TEX35: variants seen among roughly 807,000 people sequenced by gnomAD.
The protein encoded by TEX35 is testis expressed 35.
In TEX35, 26 loss-of-function variants were observed where a neutral mutation model predicts 31.9. That is an observed-to-expected ratio of 0.81 (90% CI 0.60 to 1.13). The LOEUF (loss-of-function observed/expected upper bound fraction) is 1.13. Among genes scored for constraint, TEX35 ranks in the 50% most tolerant of loss-of-function variants. The probability of loss-of-function intolerance (pLI) is 0.00; values close to 1 mark genes in which losing one functional copy is unlikely to be tolerated. For synonymous variants in TEX35, 87 were observed against 90.7 expected, an observed-to-expected ratio of 0.96 and a Z score of 0.23; for missense variants, 278 against 273.5, an observed-to-expected ratio of 1.02 and a Z score of -0.12.
rs74129234 is a variant in TEX35, at chr1:178,522,278, C to T, written c.587-47C>T. 2,050 of 1,530,164 alleles carry T rather than the reference C, an allele frequency of 1.3e-3. 24 individuals are homozygous for T. The African/African-American group carries it at 0.025, about 19-fold the overall frequency. 94.8% of individuals were successfully genotyped at this position (1,530,164 alleles called of 1,614,324 possible). On this transcript the variant is annotated intron_variant, in intron 8 of 8. Transcript: ENST00000319416. ...CTTTCTTGGGTTCTGGGGATCCACCCTTCTCACCCCCTTGAAGGTTTCCTC... is the reference window on the plus strand; with the variant it reads ...CTTTCTTGGGTTCTGGGGATCCACCTTTCTCACCCCCTTGAAGGTTTCCTC...
chr1:178,515,745 A>T (rs1245476281), intron 3 of TEX35, 114 bp from the exon 4 acceptor site: 13 of 793,088 alleles, frequency 1.6e-5, no homozygotes, highest in Admixed American at 4.8e-5. Context: ...TTTCCTCCCT[A>T]TTGAAAGCTT....
downstream of TEX35, chr1:178,522,740 G>A (rs892929255): frequency 7.7e-6 from 7 of 903,978 alleles, no homozygotes; most frequent in Middle Eastern, 5.0e-4. Context: ...TTTTGACAAA[G>A]TTATGCAAGG....
intron 5 of TEX35, among the ~76,000 whole-genome samples, chr1:178,520,100 G>A (rs538147578): frequency 1.3e-4 from 20 of 152,262 alleles, no homozygotes; most frequent in Middle Eastern, 3.4e-3. Flanking sequence ...TCCAAAGTGT[G>A]AGATCAGATA....
intron 5 of TEX35, among the ~76,000 whole-genome samples, chr1:178,518,343 A>G (rs1464105812): frequency 6.6e-6 from 1 of 152,142 alleles, no homozygotes; most frequent in Non-Finnish European, 1.5e-5. Flanking sequence ...TGATTTGTCA[A>G]TTTCACTTCT....
Position 178,516,691 on chromosome 1 carries a change from T to G in TEX35, c.276+17T>G. 6.3e-7 allele frequency: 1 copy of G among 1,588,734 alleles called. No individual in the cohort carries two copies. The highest frequency in any genetic ancestry group is 1.1e-5 in the South Asian group (1 of 88,938). ...ATTATGAAGGTAAGCATTACTTGAG[T>G]GCCTTCCATGGGCCAGTACCATACT... On this transcript the variant is annotated intron_variant, in intron 5 of 8. Coordinates refer to ENST00000319416, the MANE Select transcript of TEX35 (RefSeq NM_032126.5).
intron 5 of TEX35, among the ~76,000 whole-genome samples, 171 bp downstream of exon 5, chr1:178,516,845 T>A (rs969872390): frequency 1.3e-5 from 2 of 152,200 alleles, no homozygotes; most frequent in Non-Finnish European, 2.9e-5. Context: ...AGTTAGGGGC[T>A]TAGAGACATG....
chr1:178,517,781 CTG>C (rs1298528041), intron 5 of TEX35, among the ~76,000 whole-genome samples: 1 of 152,048 alleles, frequency 6.6e-6, no homozygotes, highest in African/African-American at 2.4e-5. Flanking sequence ...CCAGTTAACA[CTG>C]TAAAGCTAAA....
chr1:178,520,712 G>A lies in TEX35; in HGVS notation c.381G>A (p.Arg127=), dbSNP rs369404446. 1 of 1,614,076 alleles carries A rather than the reference G, an allele frequency of 6.2e-7. No individual in the cohort carries two copies. The highest frequency in any genetic ancestry group is 1.7e-5 in the Admixed American group (1 of 60,012). Residue 127 remains arginine (R), a synonymous_variant, in exon 7 of 9, where the codon AGG becomes AGA. Coordinates refer to ENST00000319416, the MANE Select transcript of TEX35 (RefSeq NM_032126.5). ...RRAPKEQQEL[R]LMGKTHREPQ... The stretch of plus-strand genomic sequence containing the variant: ...CACCAAAGGAGCAGCAGGAACTCAG[G>A]CTGATGGGAAAGACTCACAGAGAAC...
chr1:178,514,652 C>T (rs758596328), intron 2 of TEX35, 48 bp from the exon 3 acceptor site: 34 of 1,571,526 alleles, frequency 2.2e-5, no homozygotes, highest in African/African-American at 5.4e-5. Context: ...GCACTTCCAC[C>T]GCCCATCTGC....
intron 4 of TEX35, among the ~76,000 whole-genome samples, chr1:178,516,281 A>C (rs769914158): frequency 6.6e-6 from 1 of 152,242 alleles, no homozygotes; most frequent in South Asian, 2.1e-4. Flanking sequence ...TCTCATTTCT[A>C]TGATACAACC....
At chr1:178,520,503 C>G in intron 6 of TEX35, 67 bp downstream of exon 6, 1 of 1,613,496 alleles carries the variant, frequency 6.2e-7, no homozygotes, top group Non-Finnish European at 8.5e-7. Flanking sequence ...TTGTTGGATC[C>G]CTTTGGGGTT....
intron 8 of TEX35, chr1:178,521,952 A>G (rs1035263829): frequency 1.8e-6 from 2 of 1,083,874 alleles, no homozygotes; most frequent in Admixed American, 5.8e-5. Context: ...CATCTTAGTC[A>G]TCTTAGGGTC....
chr1:178,522,225 G>T, intron 8 of TEX35, 100 bp from the exon 9 acceptor site: 1 of 1,428,728 alleles, frequency 7.0e-7, no homozygotes, highest in Non-Finnish European at 9.3e-7. Flanking sequence ...CAGGACTCAG[G>T]TCCCTGCTGC....
intron 5 of TEX35, among the ~76,000 whole-genome samples, chr1:178,518,972 G>A (rs1650174340): frequency 6.6e-6 from 1 of 152,160 alleles, no homozygotes; most frequent in Non-Finnish European, 1.5e-5. Flanking sequence ...TGGGCACAAA[G>A]GCTGTAGGTA....
rs1353934239 is a variant in TEX35, at chr1:178,522,483, GCAAA to G, written c.*46_*49del. On this transcript the variant is annotated 3_prime_UTR_variant, in exon 9 of 9. Coordinates refer to ENST00000319416, the MANE Select transcript of TEX35 (RefSeq NM_032126.5). The stretch of plus-strand genomic sequence containing the variant: ...GAAATGAGAGTAAAGAAGATACAGA[GCAAA>G]CAGTGTTTCAGAAACTGTCCTGCCC... 3 of 1,541,596 alleles carry G rather than the reference GCAAA, an allele frequency of 1.9e-6. No individual in the cohort carries two copies. Among genetic ancestry groups the G allele is most frequent in the East Asian group, 4.9e-5 (2 of 41,140 alleles).
At position 178,522,313 on chromosome 1, in the gene TEX35, C is replaced by G. The variant is rs764495824; in HGVS notation, c.587-12C>G. The G allele has an allele frequency of 6.4e-7, 1 of 1,574,006 alleles. No homozygotes were observed. The highest frequency in any genetic ancestry group is 1.2e-5 in the South Asian group (1 of 85,654). On this transcript the variant is annotated splice_polypyrimidine_tract_variant and intron_variant, in intron 8 of 8. Transcript: ENST00000319416. ...CCTTGAAGGTTTCCTCTCCCTCCCTCCACCCCCAAAGGGAACATTCCTTCA... is the reference window on the plus strand; with the variant it reads ...CCTTGAAGGTTTCCTCTCCCTCCCTGCACCCCCAAAGGGAACATTCCTTCA...
At chr1:178,521,915 G>A (rs1418291858) in intron 8 of TEX35, 1 of 1,286,850 alleles carries the variant, frequency 7.8e-7, no homozygotes, top group South Asian at 1.6e-5. Context: ...CCTTCCCCCT[G>A]CTTCCTGATG....
chr1:178,513,351 G>A, intron 1 of TEX35, 124 bp downstream of exon 1: 2 of 1,296,040 alleles, frequency 1.5e-6, no homozygotes, highest in Non-Finnish European at 2.2e-6. Context: ...TCTCTGTACT[G>A]AGCATAAAGC....
At chr1:178,516,084 T>C (rs1650065683) in intron 4 of TEX35, among the ~76,000 whole-genome samples, 169 bp downstream of exon 4, 1 of 152,242 alleles carries the variant, frequency 6.6e-6, no homozygotes, top group Non-Finnish European at 1.5e-5. Flanking sequence ...ACTTGTTTGA[T>C]GCCTAAACCC....
Sources: allele counts gnomAD v4.1 joint callset (sites outside exome capture counted in the v4.1 genomes callset), GRCh38; gene constraint gnomAD v4.1.1; transcripts MANE v1.5; gene names NCBI Gene and HGNC (gene_info 2026-07-23, HGNC 2026-07-21).